SLCO3A1: variants seen among roughly 807,000 people sequenced by gnomAD.
SLCO3A1 encodes the protein PGE1 transporter.
Under a neutral mutation model 63.1 loss-of-function variants are expected in SLCO3A1, and 27 were observed. That is an observed-to-expected ratio of 0.43 (90% CI 0.32 to 0.59). The LOEUF is 0.59. Among genes scored for constraint, SLCO3A1 ranks in the 20% least tolerant of loss-of-function variants. SLCO3A1 has a pLI of 0.09. For synonymous variants in SLCO3A1, 473 were observed against 409.9 expected, an observed-to-expected ratio of 1.15 and a Z score of -1.86; for missense variants, 773 against 945.8, an observed-to-expected ratio of 0.82 and a Z score of 2.40.
rs115260367 is a variant in SLCO3A1, at chr15:92,086,951, C to G, written c.647-7930C>G. Among the ~76,000 whole-genome samples, 659 of 149,460 alleles carry G rather than the reference C, an allele frequency of 4.4e-3. 4 individuals are homozygous for G. The highest frequency in any genetic ancestry group is 0.016 in the African/African-American group (644 of 40,632). ...TGAGCTGAGATCAAGTCACTTCACT[C>G]TAACCGGGGTGAAAAAGCAAAACTC... is the stretch of plus-strand genomic sequence containing the variant. On this transcript the variant is annotated intron_variant, in intron 2 of 9. Coordinates refer to ENST00000318445, the MANE Select transcript of SLCO3A1 (RefSeq NM_013272.4).
intron 1 of SLCO3A1, among the ~76,000 whole-genome samples, chr15:91,906,385 AC>A (rs1898309085): frequency 6.6e-6 from 1 of 152,170 alleles, no homozygotes; most frequent in Non-Finnish European, 1.5e-5. Context: ...TCTCCATGAT[AC>A]TGTGAGCTGG....
intron 2 of SLCO3A1, among the ~76,000 whole-genome samples, chr15:92,026,728 T>G (rs2046578464): frequency 2.0e-5 from 3 of 152,112 alleles, no homozygotes; most frequent in Non-Finnish European, 2.9e-5. Flanking sequence ...ATTACACTGG[T>G]AAAGATGGAT....
At chr15:92,159,215 G>C (rs1022477924) in intron 9 of SLCO3A1, among the ~76,000 whole-genome samples, 1 of 152,170 alleles carries the variant, frequency 6.6e-6, no homozygotes, top group East Asian at 1.9e-4. Context: ...AGCTGGGTGC[G>C]GTGGCTCACG....
chr15:92,104,693 G>T (rs1367108102), intron 4 of SLCO3A1, 151 bp downstream of exon 4: 1 of 740,022 alleles, frequency 1.4e-6, no homozygotes, highest in Admixed American at 3.0e-5. Context: ...TACCAGCCAG[G>T]TGCTTAACTT....
chr15:91,889,088 C>T (rs549659916), intron 1 of SLCO3A1: 3 of 1,057,054 alleles, frequency 2.8e-6, no homozygotes, highest in African/African-American at 3.4e-5. Context: ...CATTTGTGTA[C>T]TTGTTATTAC....
At chr15:91,884,815 C>T (rs1897683099) in intron 1 of SLCO3A1, among the ~76,000 whole-genome samples, 1 of 151,998 alleles carries the variant, frequency 6.6e-6, no homozygotes, top group African/African-American at 2.4e-5. Context: ...TTACTCTATG[C>T]CAGGCCCCAT....
rs745672224 is a variant in SLCO3A1 at position 92,162,740 on chromosome 15, C to T, written c.1754-16C>T. 5.6e-6 allele frequency: 9 copies of T among 1,599,438 alleles called. 1 individual carries two copies. The Middle Eastern group carries it at 5.0e-4, about 89-fold the overall frequency. On this transcript the variant is annotated splice_polypyrimidine_tract_variant and intron_variant, in intron 9 of 9. Coordinates refer to ENST00000318445, the MANE Select transcript of SLCO3A1 (RefSeq NM_013272.4). ...CCACCAGATCCAGAACCTTAACATTCTTTTCCCGGTAACAGGCTTCATCCC... is the reference window on the plus strand; with the variant it reads ...CCACCAGATCCAGAACCTTAACATTTTTTTCCCGGTAACAGGCTTCATCCC...
chr15:92,147,234 C>A, intron 8 of SLCO3A1, 75 bp downstream of exon 8: 2 of 1,419,260 alleles, frequency 1.4e-6, no homozygotes, highest in Non-Finnish European at 1.9e-6. Context: ...GGGACCAGAG[C>A]TTCAGACAAC....
At chr15:92,042,822 G>A (rs988357549) in intron 2 of SLCO3A1, among the ~76,000 whole-genome samples, 4 of 152,138 alleles carry the variant, frequency 2.6e-5, no homozygotes, top group Non-Finnish European at 5.9e-5. Flanking sequence ...CCTAGGAGAA[G>A]TAAAAAGTTG....
intron 2 of SLCO3A1, among the ~76,000 whole-genome samples, chr15:91,964,256 C>T (rs1010078756): frequency 3.3e-5 from 5 of 152,046 alleles, no homozygotes; most frequent in African/African-American, 9.7e-5. Flanking sequence ...TGTGATTGCT[C>T]AGAGCTCTAA....
In SLCO3A1 at chr15:92,165,421, G is replaced by C; in HGVS notation, c.*2286G>C. ...ATATTGCTAATAGGTCACTCTTATA[G>C]ATTATTGCTTGGCCCTTCAAACTCA... On this transcript the variant is annotated 3_prime_UTR_variant, in exon 10 of 10. Coordinates refer to ENST00000318445, the MANE Select transcript of SLCO3A1 (RefSeq NM_013272.4). 2.0e-6 allele frequency: 2 copies of C among 985,248 alleles called. No homozygotes were observed. The highest frequency in any genetic ancestry group is 2.4e-6 in the Non-Finnish European group (2 of 829,836). The allele number at this position is 985,248 out of a possible 1,614,324, so 61.0% of individuals were successfully genotyped here. A position where few individuals can be genotyped will look rare whatever the true frequency, so the allele number is the denominator to read the frequency against.
chr15:92,002,410 T>C (rs1430387544), intron 2 of SLCO3A1, among the ~76,000 whole-genome samples: 2 of 152,196 alleles, frequency 1.3e-5, no homozygotes, highest in Admixed American at 6.5e-5. Flanking sequence ...CAAAGTGATG[T>C]GTTTTTATCA....
chr15:91,965,721 GGT>G (rs35543509), intron 2 of SLCO3A1, among the ~76,000 whole-genome samples: 37,822 of 147,088 alleles, frequency 0.26, 4,853 homozygotes, highest in East Asian at 0.37. Flanking sequence ...CAGCCAGCAG[GGT>G]GTGTGTGTGT....
intron 1 of SLCO3A1, among the ~76,000 whole-genome samples, chr15:91,908,173 T>G (rs1567180215): frequency 6.6e-6 from 1 of 152,112 alleles, no homozygotes. Context: ...AATATGAAAC[T>G]CAAAATCTCA....
intron 2 of SLCO3A1, among the ~76,000 whole-genome samples, chr15:91,960,637 T>C (rs1424768284): frequency 1.3e-5 from 2 of 152,190 alleles, no homozygotes. Context: ...CAGGAGTAAT[T>C]TATTCTTTTC....
intron 5 of SLCO3A1, among the ~76,000 whole-genome samples, chr15:92,125,091 C>T (rs919268832): frequency 2.0e-5 from 3 of 152,124 alleles, no homozygotes; most frequent in Non-Finnish European, 2.9e-5. Context: ...TCTTGCAGAG[C>T]TATACCCCCT....
chr15:91,871,765 G>GTTTTTTTTTTTTTTTTTTTTTTTTGTT (rs33938693), intron 1 of SLCO3A1, among the ~76,000 whole-genome samples: 1 of 45,698 alleles, frequency 2.2e-5, no homozygotes, highest in Non-Finnish European at 3.8e-5. Context: ...TTTTTTTTTG[G>GTTTTTTTTTTTTTTTTTTTTTTTTGTT]TTTTTTTTTT....
chr15:91,915,349 G>A (rs1898618652), intron 1 of SLCO3A1, among the ~76,000 whole-genome samples: 1 of 152,108 alleles, frequency 6.6e-6, no homozygotes, highest in Non-Finnish European at 1.5e-5. Context: ...CAGTTGGAGG[G>A]TACTTGGCAG....
chr15:92,153,245 CAAAAAA>C (rs11347750), intron 9 of SLCO3A1, among the ~76,000 whole-genome samples: 1 of 140,366 alleles, frequency 7.1e-6, no homozygotes, highest in African/African-American at 2.6e-5. Context: ...CTGAAACAAA[CAAAAAA>C]AAAAAATCAT....
Sources: gnomAD v4.1 joint callset for allele counts (sites outside exome capture counted in the v4.1 genomes callset) on GRCh38, gnomAD v4.1.1 for gene constraint, MANE v1.5 for transcripts, NCBI Gene and HGNC (gene_info 2026-07-23, HGNC 2026-07-21) for gene names.